Variants in SPATA6L observed in about 807,000 individuals in gnomAD.
The protein encoded by SPATA6L is spermatogenesis associated 6-like protein.
Under a neutral mutation model 49.2 loss-of-function variants are expected in SPATA6L, and 68 were observed. That is an observed-to-expected ratio of 1.38 (90% CI 1.14 to 1.69). SPATA6L has a LOEUF of 1.69. SPATA6L is among the 40% of genes most tolerant of loss of function. The probability of loss-of-function intolerance (pLI) is 0.00; values close to 1 mark genes in which losing one functional copy is unlikely to be tolerated. For synonymous variants in SPATA6L, 198 were observed against 165.7 expected (o/e 1.19, Z -1.50); for missense variants, 668 against 464.3 (o/e 1.44, Z -4.03).
At chr9:4,605,260 T>C in intron 10 of SPATA6L, 87 bp downstream of exon 10, 1 of 997,116 alleles carries the variant, frequency 1.0e-6, no homozygotes. Context: ...GGTTATTTGA[T>C]TAATGTCTGT....
intron 2 of SPATA6L, among the ~76,000 whole-genome samples, chr9:4,656,316 G>A (rs540944915): frequency 2.6e-5 from 4 of 152,226 alleles, no homozygotes; most frequent in South Asian, 2.1e-4. Context: ...GCTCATGCCT[G>A]TATTCCCAGC....
chr9:4,626,814 C>T lies in SPATA6L; in HGVS notation c.430-1248G>A, dbSNP rs550762618. The T allele has an allele frequency of 2.2e-5, 5 of 223,062 alleles. No homozygotes were observed. In the South Asian group the frequency reaches 3.3e-4, roughly 15 times the overall value. 13.8% of individuals were successfully genotyped at this position (223,062 alleles called of 1,614,324 possible). On this transcript the variant is annotated intron_variant, in intron 5 of 11. Coordinates refer to ENST00000682582, the MANE Select transcript of SPATA6L (RefSeq NM_001353486.2). ...TATGAAGCCATGAAAAATTGTCTGGCACAAGAGTACCTGAGGACATGAGAA... is the reference window on the plus strand; with the variant it reads ...TATGAAGCCATGAAAAATTGTCTGGTACAAGAGTACCTGAGGACATGAGAA...
At chr9:4,622,312 T>G in intron 7 of SPATA6L, 96 bp downstream of exon 7, 1 of 776,476 alleles carries the variant, frequency 1.3e-6, no homozygotes, top group Non-Finnish European at 2.2e-6. Flanking sequence ...CTCACAGTTC[T>G]GAACATCACC....
At chr9:4,589,684 C>A (rs1247602838) in intron 13 of SPATA6L, among the ~76,000 whole-genome samples, 1 of 152,152 alleles carries the variant, frequency 6.6e-6, no homozygotes, top group South Asian at 2.1e-4. Context: ...TCACATAACA[C>A]CCCTTCAAAC....
intron 3 of SPATA6L, among the ~76,000 whole-genome samples, chr9:4,638,030 G>C (rs1477789205): frequency 1.3e-5 from 2 of 152,088 alleles, no homozygotes; most frequent in African/African-American, 4.8e-5. Flanking sequence ...ATAGACACTG[G>C]ATTTACACTA....
chr9:4,662,208 T>C lies in SPATA6L; in HGVS notation c.40-172A>G. Reference sequence around the variant, plus strand: ...CATCCTCCCCTCTGCTCTCCTCACATTGGAAATTCCAACTCCCTCCCACGT... The same window carrying C: ...CATCCTCCCCTCTGCTCTCCTCACACTGGAAATTCCAACTCCCTCCCACGT... On this transcript the variant is annotated intron_variant, in intron 1 of 11. Transcript: ENST00000682582. This position sits in a 1 kb window ranked among gnomAD's most constrained non-coding sequence, Gnocchi z 4.9. 20 of 1,436,038 alleles carry C rather than the reference T, an allele frequency of 1.4e-5. No individual in the cohort carries two copies. The highest frequency in any genetic ancestry group is 1.8e-5 in the Non-Finnish European group (20 of 1,099,592). 89.0% of individuals were successfully genotyped at this position (1,436,038 alleles called of 1,614,324 possible).
In SPATA6L at chr9:4,666,400, A is replaced by G. The variant is rs1206539690; in HGVS notation, c.-150T>C. The G allele has an allele frequency of 1.3e-6, 1 of 778,532 alleles. No homozygotes were observed. Among genetic ancestry groups the G allele is most frequent in the Non-Finnish European group, 2.2e-6 (1 of 457,136 alleles). The allele number at this position is 778,532 out of a possible 1,614,324, so 48.2% of individuals were successfully genotyped here. On this transcript the variant is annotated 5_prime_UTR_variant, in exon 1 of 12. Coordinates refer to ENST00000682582, the MANE Select transcript of SPATA6L (RefSeq NM_001353486.2). ...CCCTTGTTCCCCTACCGTCCCCCCC[A>G]GCCCAGGTCCCTCCCACCGGGACGG...
Position 4,662,557 on chromosome 9 carries a change from C to T in SPATA6L, c.40-521G>A. The T allele has an allele frequency of 3.8e-6, 6 of 1,579,102 alleles. No homozygotes were observed. The highest frequency in any genetic ancestry group is 1.1e-5 in the South Asian group (1 of 88,410). ...CCCACCTGCGCCCGGCTCCGTGCAT[C>T]GGAGAGCCCAGTTCACCGCCGCGGC... On this transcript the variant is annotated intron_variant, in intron 1 of 11. Transcript: ENST00000682582. The surrounding 1 kb of genome is among the most constrained non-coding windows in gnomAD (Gnocchi z 4.9).
intron 5 of SPATA6L, chr9:4,627,759 CG>C: frequency 7.8e-7 from 1 of 1,289,266 alleles, no homozygotes; most frequent in Non-Finnish European, 1.0e-6. Flanking sequence ...TTACCAAAGA[CG>C]GACCATGAAT....
chr9:4,594,670 G>A (rs541694361), downstream of SPATA6L, among the ~76,000 whole-genome samples: 6 of 152,126 alleles, frequency 3.9e-5, no homozygotes, highest in Non-Finnish European at 7.3e-5. Context: ...TCAGGTGGGA[G>A]CCCCTGAGTG....
chr9:4,611,765 A>T (rs967337409), intron 9 of SPATA6L, among the ~76,000 whole-genome samples: 40 of 151,832 alleles, frequency 2.6e-4, no homozygotes, highest in Non-Finnish European at 5.3e-4. Context: ...AACCTGCACA[A>T]TGTGCACATG....
intron 3 of SPATA6L, among the ~76,000 whole-genome samples, chr9:4,648,294 T>G (rs1411705842): frequency 1.3e-5 from 2 of 152,224 alleles, no homozygotes; most frequent in Non-Finnish European, 2.9e-5. Context: ...AATATATATT[T>G]GCCAACCATC....
chr9:4,594,511 G>A (rs941997650), downstream of SPATA6L, among the ~76,000 whole-genome samples: 5 of 152,110 alleles, frequency 3.3e-5, no homozygotes, highest in African/African-American at 4.8e-5. Flanking sequence ...CGCGCCCAGC[G>A]GGGAATTGTG....
intron 1 of SPATA6L, chr9:4,663,170 T>C: frequency 6.2e-7 from 1 of 1,614,108 alleles, no homozygotes; most frequent in Non-Finnish European, 8.5e-7. Flanking sequence ...CTTTTGGCTT[T>C]TTTCTGGGCT....
chr9:4,625,310 A>G lies in SPATA6L; in HGVS notation c.669+17T>C, dbSNP rs1830130693. On this transcript the variant is annotated intron_variant, in intron 6 of 11. Transcript: ENST00000682582. Reference sequence around the variant, plus strand: ...CTCACTATTGCAAAATGCTCTAAAAAATAATTTTAGGCTCACGTGTCTAAC... The same window carrying G: ...CTCACTATTGCAAAATGCTCTAAAAGATAATTTTAGGCTCACGTGTCTAAC... 2 of 1,603,294 alleles carry G rather than the reference A, an allele frequency of 1.2e-6. No individual in the cohort carries two copies. The highest frequency in any genetic ancestry group is 3.4e-5 in the Admixed American group (2 of 58,020).
At chr9:4,605,890 T>G (rs1304145784) in intron 9 of SPATA6L, among the ~76,000 whole-genome samples, 1 of 152,196 alleles carries the variant, frequency 6.6e-6, no homozygotes, top group East Asian at 1.9e-4. Flanking sequence ...TGCATTTCCA[T>G]CTGAGGTAGC....
chr9:4,662,345 C>T lies in SPATA6L; in HGVS notation c.40-309G>A, dbSNP rs1190499165. 1.3e-5 allele frequency: 19 copies of T among 1,478,586 alleles called. No individual in the cohort carries two copies. The highest frequency in any genetic ancestry group is 1.6e-5 in the Non-Finnish European group (18 of 1,121,984). The allele number at this position is 1,478,586 out of a possible 1,614,324, so 91.6% of individuals were successfully genotyped here. On this transcript the variant is annotated intron_variant, in intron 1 of 11. Coordinates refer to ENST00000682582, the MANE Select transcript of SPATA6L (RefSeq NM_001353486.2). The surrounding 1 kb of genome is among the most constrained non-coding windows in gnomAD (Gnocchi z 4.9). ...GCCGGGAAGCCTCTGTTTGGTCCGG[C>T]CAGGTCCCGGGATCCGGGCCGCCAG...
chr9:4,629,726 C>T (rs554559219), intron 4 of SPATA6L, among the ~76,000 whole-genome samples: 8 of 138,356 alleles, frequency 5.8e-5, no homozygotes, highest in African/African-American at 2.2e-4. Context: ...TTCTTAGTAC[C>T]ATACTGTCTA....
chr9:4,650,342 T>G (rs1836523701), intron 3 of SPATA6L, among the ~76,000 whole-genome samples: 1 of 152,172 alleles, frequency 6.6e-6, no homozygotes, highest in South Asian at 2.1e-4. Flanking sequence ...AGTTGCAAAT[T>G]TCATAAAGCT....
Sources: allele counts gnomAD v4.1 joint callset (sites outside exome capture counted in the v4.1 genomes callset), GRCh38; gene constraint gnomAD v4.1.1; non-coding constraint Gnocchi (gnomAD v3.1); transcripts MANE v1.5; gene names NCBI Gene and HGNC (gene_info 2026-07-23, HGNC 2026-07-21).